Variants in TRAPPC8 observed in about 807,000 individuals in gnomAD.
TRAPPC8 encodes the protein trafficking protein particle complex subunit 8, also known as general sporulation gene 1 homolog.
Under a neutral mutation model 174.3 loss-of-function variants are expected in TRAPPC8, and 54 were observed. The observed-to-expected ratio is 0.31, with a 90% CI of 0.25 to 0.39. TRAPPC8 has a LOEUF of 0.39. Among genes scored for constraint, TRAPPC8 ranks in the 10% least tolerant of loss-of-function variants. The pLI, the probability that TRAPPC8 is intolerant of heterozygous loss-of-function variation, is 1.00. For synonymous variants in TRAPPC8, 630 were observed against 579.9 expected, an observed-to-expected ratio of 1.09 and a Z score of -1.24; for missense variants, 1,531 against 1,699.1, an observed-to-expected ratio of 0.90 and a Z score of 1.74.
chr18:31,922,572 C>T (rs1271414893), intron 2 of TRAPPC8, among the ~76,000 whole-genome samples: 1 of 152,046 alleles, frequency 6.6e-6, no homozygotes. Flanking sequence ...GCCTGGGCAG[C>T]GACAGAGCAA....
At chr18:31,917,857 C>T (rs2037216875) in intron 2 of TRAPPC8, among the ~76,000 whole-genome samples, 190 bp from the exon 3 acceptor site, 1 of 152,162 alleles carries the variant, frequency 6.6e-6, no homozygotes, top group Non-Finnish European at 1.5e-5. Context: ...GGCACGGTGG[C>T]TCAGGCCTGT....
In TRAPPC8 at chr18:31,942,639, C is replaced by T. The variant is rs772924759; in HGVS notation, c.126G>A (p.Leu42=). Residue 42 remains leucine, a synonymous_variant, in exon 1 of 29, where the codon CTG becomes CTA. Transcript: ENST00000283351. ...TRLNHLSFAE[L]LKPFSRLTSE... The stretch of plus-strand genomic sequence containing the variant: ...AAGTGAGGCGGGAGAAGGGCTTAAG[C>T]AGCTCCGCGAAGCTGAGGTGATTGA... The T allele has an allele frequency of 9.3e-6, 15 of 1,610,670 alleles. No individual in the cohort carries two copies. Among genetic ancestry groups the T allele is most frequent in the Non-Finnish European group, 1.3e-5 (15 of 1,178,494 alleles).
At chr18:31,885,232 T>C (rs1031982497) in intron 12 of TRAPPC8, among the ~76,000 whole-genome samples, 1 of 152,192 alleles carries the variant, frequency 6.6e-6, no homozygotes, top group Non-Finnish European at 1.5e-5. Context: ...CTGGACGGCA[T>C]GAAATGAGAA....
At chr18:31,908,270 G>T in intron 8 of TRAPPC8, 33 bp downstream of exon 8, 1 of 1,417,950 alleles carries the variant, frequency 7.1e-7, no homozygotes. Context: ...GAGTTAAACA[G>T]AGGAAAAACA....
chr18:31,922,799 CTTGAGCCCAGGAGT>C (rs751036599), intron 2 of TRAPPC8, among the ~76,000 whole-genome samples: 1 of 152,178 alleles, frequency 6.6e-6, no homozygotes, highest in Non-Finnish European at 1.5e-5. Flanking sequence ...AGGCTGATCA[CTTGAGCCCAGGAGT>C]TCGAGACCAG....
intron 27 of TRAPPC8, 35 bp downstream of exon 27, chr18:31,839,277 G>C (rs2032949112): frequency 1.3e-6 from 2 of 1,581,272 alleles, no homozygotes; most frequent in Admixed American, 3.7e-5. Flanking sequence ...CCAGTGTGTT[G>C]TAGAAAATTT....
chr18:31,908,006 T>C (rs2036737486), intron 8 of TRAPPC8, among the ~76,000 whole-genome samples: 1 of 152,228 alleles, frequency 6.6e-6, no homozygotes, highest in South Asian at 2.1e-4. Context: ...CTTAGAATCA[T>C]CAGGCCATTA....
intron 12 of TRAPPC8, among the ~76,000 whole-genome samples, chr18:31,877,610 C>CAA (rs1161138155): frequency 0.2 from 15,436 of 76,860 alleles, 2,572 homozygotes; most frequent in South Asian, 0.48. Context: ...GACTCCGTCT[C>CAA]AAAAAAAAAA....
rs138622801 is a variant in TRAPPC8, at chr18:31,901,756, T to A, written c.1390-731A>T. On this transcript the variant is annotated intron_variant, in intron 9 of 28. Transcript: ENST00000283351. ...GGGAGGTCTTCACTTTTGCCTAAAC[T>A]CAGATTTGCCATGGAAATTCCAGAG... Among the ~76,000 whole-genome samples the A allele has an allele frequency of 9.8e-5, 15 of 152,296 alleles. No homozygotes were observed. The East Asian group carries it at 2.7e-3, about 27-fold the overall frequency.
chr18:31,931,608 A>G (rs1023285195), intron 1 of TRAPPC8, 85 bp from the exon 2 acceptor site: 1 of 1,069,314 alleles, frequency 9.4e-7, no homozygotes, highest in South Asian at 2.1e-5. Context: ...TTACAAACAA[A>G]AAGGATGTAC....
chr18:31,840,824 T>C (rs2033051080), intron 26 of TRAPPC8, among the ~76,000 whole-genome samples: 1 of 151,360 alleles, frequency 6.6e-6, no homozygotes, highest in African/African-American at 2.4e-5. Context: ...GGAAATAAAA[T>C]AAAAGCTGGC....
At chr18:31,844,819 T>C (rs1049293218) in intron 26 of TRAPPC8, among the ~76,000 whole-genome samples, 2 of 151,832 alleles carry the variant, frequency 1.3e-5, no homozygotes, top group African/African-American at 4.8e-5. Flanking sequence ...GGAAAAACAG[T>C]AACTTGACTG....
chr18:31,934,949 C>CATAAATAA (rs59323781), intron 1 of TRAPPC8, among the ~76,000 whole-genome samples: 53,277 of 140,092 alleles, frequency 0.38, 10,431 homozygotes, highest in Admixed American at 0.39. Flanking sequence ...GGCTCCGTCT[C>CATAAATAA]ATAAATAAAT....
At chr18:31,928,570 G>T (rs1024517603) in intron 2 of TRAPPC8, among the ~76,000 whole-genome samples, 8 of 151,980 alleles carry the variant, frequency 5.3e-5, no homozygotes, top group African/African-American at 1.9e-4. Context: ...AAGACAAAAA[G>T]ATATTTTTGT....
chr18:31,846,251 A>C (rs968870400), intron 26 of TRAPPC8, among the ~76,000 whole-genome samples: 16 of 152,136 alleles, frequency 1.1e-4, no homozygotes, highest in African/African-American at 3.9e-4. Flanking sequence ...TTCTTCTGTC[A>C]CCAACACCCA....
chr18:31,873,619 A>G, intron 13 of TRAPPC8, 81 bp from the exon 14 acceptor site: 1 of 911,836 alleles, frequency 1.1e-6, no homozygotes, highest in South Asian at 1.6e-5. Context: ...TTAATACACA[A>G]GGCATTAAAA....
chr18:31,902,457 T>C (rs546278167), intron 9 of TRAPPC8, among the ~76,000 whole-genome samples: 2 of 152,354 alleles, frequency 1.3e-5, no homozygotes, highest in East Asian at 3.9e-4. Flanking sequence ...TTCTCCCAGA[T>C]ATTCTGCCTA....
chr18:31,892,444 T>C (rs2035994606), intron 11 of TRAPPC8, among the ~76,000 whole-genome samples: 1 of 152,212 alleles, frequency 6.6e-6, no homozygotes, highest in Non-Finnish European at 1.5e-5. Flanking sequence ...TTCCATTATA[T>C]AAATGTACCC....
chr18:31,940,199 G>A (rs912998879), intron 1 of TRAPPC8, among the ~76,000 whole-genome samples: 3 of 152,242 alleles, frequency 2.0e-5, no homozygotes, highest in Admixed American at 6.5e-5. Context: ...AATTTCGGCC[G>A]GGCACGGTGG....
Sources: allele counts gnomAD v4.1 joint callset (sites outside exome capture counted in the v4.1 genomes callset), GRCh38; gene constraint gnomAD v4.1.1; transcripts MANE v1.5; gene names NCBI Gene and HGNC (gene_info 2026-07-23, HGNC 2026-07-21).